Variants in RNF145 observed in about 807,000 individuals in gnomAD.
RNF145 encodes ring finger protein 145.
In RNF145, 12 loss-of-function variants were observed where a neutral mutation model predicts 57.3. That is an observed-to-expected ratio of 0.21 (90% CI 0.13 to 0.34). The LOEUF (loss-of-function observed/expected upper bound fraction) is 0.34. Among genes scored for constraint, RNF145 ranks in the 10% least tolerant of loss-of-function variants. The pLI is 1.00. For missense variants in RNF145, 429 were observed against 799.0 expected (o/e 0.54, Z 5.58); for synonymous variants, 262 against 288.3 (o/e 0.91, Z 0.92).
Position 159,169,799 on chromosome 5 carries a change from G to C in RNF145, c.818C>G (p.Thr273Ser). Residue 273 changes from threonine to serine, a missense_variant, in exon 7 of 11, where the codon ACT (threonine) becomes AGT (serine). This residue lies in a region of RNF145 where 216 missense variants were observed against 457.6 expected (regional missense o/e 0.47). Transcript: ENST00000424310. ...FLTSIAECCS[T>S]PYSLLGLVFT... ...GACCAAACCCAAAAGAGAGTAAGGA[G>C]TGCTGCAGCATTCCGCAATACTGGA... 3.1e-6 allele frequency: 5 copies of C among 1,610,054 alleles called. No homozygotes were observed. The highest frequency in any genetic ancestry group is 4.2e-6 in the Non-Finnish European group (5 of 1,178,386).
intron 4 of RNF145, among the ~76,000 whole-genome samples, chr5:159,178,151 T>C (rs1036856536): frequency 1.3e-4 from 20 of 152,144 alleles, no homozygotes; most frequent in African/African-American, 4.1e-4. Context: ...CTCAAGATTA[T>C]ACAAATAGCT....
chr5:159,194,931 T>G, intron 2 of RNF145, 107 bp from the exon 3 acceptor site: 1 of 746,322 alleles, frequency 1.3e-6, no homozygotes, highest in Non-Finnish European at 2.1e-6. Context: ...TTTCAGTACT[T>G]TCTGAGGTTT....
chr5:159,184,379 A>G lies in RNF145; in HGVS notation c.294-2328T>C, dbSNP rs993517425. ...AACATTCTCTGTTGCTTTTTAACTC[A>G]AAAAGAAATTACTGAATACATAAGT... On this transcript the variant is annotated intron_variant, in intron 3 of 10. Transcript: ENST00000424310. 2.0e-5 allele frequency among the ~76,000 whole-genome samples: 3 copies of G among 152,226 alleles called. No homozygotes were observed. In the East Asian group the frequency reaches 5.8e-4, roughly 29 times the overall value.
intron 2 of RNF145, among the ~76,000 whole-genome samples, chr5:159,202,104 T>A (rs754341034): frequency 6.6e-6 from 1 of 152,246 alleles, no homozygotes; most frequent in Non-Finnish European, 1.5e-5. Context: ...TATAAAATTA[T>A]AAACCAGATT....
chr5:159,188,300 TGGCGTGAACCCAGGAGGCG>T (rs1424886437), intron 3 of RNF145, among the ~76,000 whole-genome samples: 2 of 150,984 alleles, frequency 1.3e-5, no homozygotes, highest in African/African-American at 2.4e-5. Context: ...GGCAGGAGAA[TGGCGTGAACCCAGGAGGCG>T]GAGCTTGCAG....
At chr5:159,204,253 T>C (rs1454371959) in intron 1 of RNF145, among the ~76,000 whole-genome samples, 1 of 152,156 alleles carries the variant, frequency 6.6e-6, no homozygotes, top group Admixed American at 6.5e-5. Flanking sequence ...AAGTTAAATA[T>C]GGTCTAAAAT....
At chr5:159,181,282 T>A (rs1784885715) in intron 4 of RNF145, among the ~76,000 whole-genome samples, 1 of 151,898 alleles carries the variant, frequency 6.6e-6, no homozygotes, top group South Asian at 2.1e-4. Context: ...CCCCAGTGAA[T>A]CCTCTAGTGT....
intron 8 of RNF145, 102 bp from the exon 9 acceptor site, chr5:159,163,181 A>G (rs1243104669): frequency 9.2e-7 from 1 of 1,085,662 alleles, no homozygotes; most frequent in Non-Finnish European, 1.3e-6. Flanking sequence ...AAATTTCACA[A>G]ATTCCCACTG....
intron 2 of RNF145, among the ~76,000 whole-genome samples, chr5:159,199,073 G>A (rs934054013): frequency 1.3e-5 from 2 of 152,100 alleles, no homozygotes; most frequent in African/African-American, 2.4e-5. Flanking sequence ...TACCTTAAAG[G>A]AGCTCACAAT....
chr5:159,164,962 G>A (rs1784344967), intron 8 of RNF145, among the ~76,000 whole-genome samples: 1 of 152,168 alleles, frequency 6.6e-6, no homozygotes, highest in Non-Finnish European at 1.5e-5. Context: ...GTTGTTTCAT[G>A]AACTATTAGT....
intron 4 of RNF145, among the ~76,000 whole-genome samples, chr5:159,181,128 C>CAAA (rs76460086): frequency 1.1e-5 from 1 of 89,598 alleles, no homozygotes; most frequent in Non-Finnish European, 2.2e-5. Flanking sequence ...GACTCTGTCT[C>CAAA]AAAAAAAAAA....
At chr5:159,197,399 A>AGC (rs1428470654) in intron 2 of RNF145, among the ~76,000 whole-genome samples, 1 of 152,250 alleles carries the variant, frequency 6.6e-6, no homozygotes, top group Admixed American at 6.5e-5. Context: ...ATTTAGACTT[A>AGC]GCTAATGGTT....
intron 9 of RNF145, among the ~76,000 whole-genome samples, chr5:159,162,420 ATTTTCTT>A (rs1784249140): frequency 8.3e-6 from 1 of 120,024 alleles, no homozygotes; most frequent in African/African-American, 3.6e-5. Flanking sequence ...TTTATGTAAT[ATTTTCTT>A]TTTTTTTTTT....
At chr5:159,194,887 G>A in intron 2 of RNF145, 63 bp from the exon 3 acceptor site, 1 of 1,149,818 alleles carries the variant, frequency 8.7e-7, no homozygotes, top group Non-Finnish European at 1.3e-6. Flanking sequence ...TACAATAAAA[G>A]AAAGAGCTTG....
chr5:159,181,197 T>C (rs1784882978), intron 4 of RNF145, among the ~76,000 whole-genome samples: 1 of 150,602 alleles, frequency 6.6e-6, no homozygotes, highest in Admixed American at 6.6e-5. Context: ...AAAAAAGATG[T>C]TCCAGGGTGA....
intron 3 of RNF145, among the ~76,000 whole-genome samples, chr5:159,189,806 T>C (rs1381271326): frequency 6.6e-6 from 1 of 152,204 alleles, no homozygotes; most frequent in Admixed American, 6.5e-5. Context: ...TGCATGAATC[T>C]TGAAAACATG....
chr5:159,200,660 T>C (rs1243782676), intron 2 of RNF145, among the ~76,000 whole-genome samples: 1 of 152,128 alleles, frequency 6.6e-6, no homozygotes, highest in Non-Finnish European at 1.5e-5. Context: ...TTAAAAACCT[T>C]CTAAATGTCA....
At chr5:159,185,515 A>G (rs752585260) in intron 3 of RNF145, among the ~76,000 whole-genome samples, 1 of 152,232 alleles carries the variant, frequency 6.6e-6, no homozygotes, top group Non-Finnish European at 1.5e-5. Flanking sequence ...CATTCACAAC[A>G]TAAGAAAAAC....
At chr5:159,162,866 TTCC>T (rs1210817584) in intron 9 of RNF145, 63 bp downstream of exon 9, 6 of 1,344,482 alleles carry the variant, frequency 4.5e-6, no homozygotes, top group Non-Finnish European at 6.1e-6. Flanking sequence ...AAAAATTTAA[TTCC>T]TCCTCTGGGA....
Sources: allele counts gnomAD v4.1 joint callset (sites outside exome capture counted in the v4.1 genomes callset), GRCh38; gene constraint gnomAD v4.1.1; regional missense constraint gnomAD v4.1.1; transcripts MANE v1.5; gene names NCBI Gene and HGNC (gene_info 2026-07-23, HGNC 2026-07-21).